TXLNB: variants seen among roughly 807,000 people sequenced by gnomAD.
TXLNB encodes the protein beta-taxilin.
Under a neutral mutation model 57.4 loss-of-function variants are expected in TXLNB, and 37 were observed. The ratio of observed to expected loss-of-function variants is 0.64; its 90% CI spans 0.50 to 0.85. The LOEUF is 0.85. Among genes scored for constraint, TXLNB ranks in the 40% least tolerant of loss-of-function variants. The probability of loss-of-function intolerance (pLI) is 0.00; values close to 1 mark genes in which losing one functional copy is unlikely to be tolerated. For synonymous variants in TXLNB, 302 were observed against 309.6 expected, an observed-to-expected ratio of 0.98 and a Z score of 0.26; for missense variants, 848 against 825.6, an observed-to-expected ratio of 1.03 and a Z score of -0.33.
chr6:139,196,053 C>A, the TXLNB span, among the ~76,000 whole-genome samples: 26 of 151,880 alleles, frequency 1.7e-4, no homozygotes, highest in African/African-American at 5.8e-4. Flanking sequence ...TGAAAATGCA[C>A]AGGTAAGACA....
At chr6:139,225,775 C>T in the TXLNB span, among the ~76,000 whole-genome samples, 4 of 151,874 alleles carry the variant, frequency 2.6e-5, no homozygotes, top group African/African-American at 9.7e-5. Flanking sequence ...AAATTCAATC[C>T]CCATGAAAAC....
the TXLNB span, among the ~76,000 whole-genome samples, chr6:139,194,311 C>T: frequency 5.9e-5 from 9 of 152,306 alleles, no homozygotes; most frequent in South Asian, 2.1e-4. Context: ...CAGGAGTATA[C>T]TCCATCAACT....
At chr6:139,198,971 CTTTT>C in the TXLNB span, among the ~76,000 whole-genome samples, 1 of 144,452 alleles carries the variant, frequency 6.9e-6, no homozygotes, top group Non-Finnish European at 1.5e-5. Context: ...TTCTTTCTTC[CTTTT>C]TTTTTTTTTT....
chr6:139,173,870 T>C, the TXLNB span, among the ~76,000 whole-genome samples: 3 of 152,220 alleles, frequency 2.0e-5, no homozygotes, highest in Non-Finnish European at 2.9e-5. Flanking sequence ...GCTGAGCATT[T>C]TGAGGACAAG....
the TXLNB span, among the ~76,000 whole-genome samples, chr6:139,304,099 T>G: frequency 6.6e-6 from 1 of 152,138 alleles, no homozygotes; most frequent in Admixed American, 6.5e-5. Flanking sequence ...TGAAATCTAT[T>G]AAACAGCTAT....
At chr6:139,200,277 T>G in the TXLNB span, among the ~76,000 whole-genome samples, 1 of 152,090 alleles carries the variant, frequency 6.6e-6, no homozygotes, top group African/African-American at 2.4e-5. Context: ...CACAGGCATC[T>G]CCCCTAATAA....
the TXLNB span, among the ~76,000 whole-genome samples, chr6:139,162,856 C>T: frequency 5.3e-5 from 8 of 152,100 alleles, no homozygotes; most frequent in African/African-American, 9.7e-5. Flanking sequence ...TTTAAGCTGT[C>T]GTGAGGTTTT....
the TXLNB span, among the ~76,000 whole-genome samples, chr6:139,318,504 C>T: frequency 1.3e-5 from 2 of 151,900 alleles, no homozygotes; most frequent in Non-Finnish European, 2.9e-5. Context: ...TCAAGTCAAA[C>T]ATTCAAGAAT....
At chr6:139,215,154 A>AG in the TXLNB span, among the ~76,000 whole-genome samples, 1 of 151,954 alleles carries the variant, frequency 6.6e-6, no homozygotes, top group African/African-American at 2.4e-5. Flanking sequence ...AACCAAAAAA[A>AG]AGCCCGCATT....
chr6:139,252,848 G>A (rs1472234438), intron 7 of TXLNB, among the ~76,000 whole-genome samples: 13 of 152,216 alleles, frequency 8.5e-5, no homozygotes, highest in African/African-American at 2.4e-4. Flanking sequence ...AAAATTAGCC[G>A]GGTGTGGTGG....
At chr6:139,163,848 G>A in the TXLNB span, among the ~76,000 whole-genome samples, 1 of 152,074 alleles carries the variant, frequency 6.6e-6, no homozygotes. Flanking sequence ...CTAGGGATTT[G>A]ACCTTCATCT....
chr6:139,234,940 C>T, the TXLNB span, among the ~76,000 whole-genome samples: 1 of 152,222 alleles, frequency 6.6e-6, no homozygotes, highest in Non-Finnish European at 1.5e-5. Flanking sequence ...TGGAGCTGTC[C>T]AAGGCTACGG....
the TXLNB span, among the ~76,000 whole-genome samples, chr6:139,184,218 C>A: frequency 6.6e-6 from 1 of 152,138 alleles, no homozygotes; most frequent in Non-Finnish European, 1.5e-5. Flanking sequence ...GTGAGAGGAG[C>A]CTTGTGGGTG....
the TXLNB span, among the ~76,000 whole-genome samples, chr6:139,168,430 T>TG: frequency 6.6e-6 from 1 of 151,766 alleles, no homozygotes; most frequent in African/African-American, 2.4e-5. Context: ...GCATAGTTTT[T>TG]TTTTTTTTTT....
At chr6:139,263,348 G>A (rs1204449787) in intron 4 of TXLNB, among the ~76,000 whole-genome samples, 2 of 152,104 alleles carry the variant, frequency 1.3e-5, no homozygotes, top group Non-Finnish European at 2.9e-5. Flanking sequence ...CTCAATTACA[G>A]CCATTCAAGA....
chr6:139,174,470 G>T, the TXLNB span: 1 of 1,613,942 alleles, frequency 6.2e-7, no homozygotes, highest in Non-Finnish European at 8.5e-7. Context: ...AGTCACGGTG[G>T]GATGGCAGCT....
At chr6:139,168,723 T>C in the TXLNB span, among the ~76,000 whole-genome samples, 1 of 152,306 alleles carries the variant, frequency 6.6e-6, no homozygotes, top group East Asian at 1.9e-4. Flanking sequence ...TCTCAGCTTT[T>C]AGGAAACATC....
At chr6:139,303,118 A>G in the TXLNB span, among the ~76,000 whole-genome samples, 1 of 152,234 alleles carries the variant, frequency 6.6e-6, no homozygotes, top group African/African-American at 2.4e-5. Context: ...AGAGTTCTAT[A>G]GTAGTGTCAT....
Position 139,259,690 on chromosome 6 carries a change from A to T in TXLNB, c.1002+628T>A, listed in dbSNP as rs1031582383. Among the ~76,000 whole-genome samples the T allele has an allele frequency of 4.6e-5, 7 of 152,090 alleles. No individual in the cohort carries two copies. The East Asian group carries it at 1.4e-3, about 29-fold the overall frequency. ...GTCTATTGCTTGTCTCTTTCCAGTT[A>T]GACTCTAATCTCCATAGTGGGAGAT... is the stretch of plus-strand genomic sequence containing the variant. On this transcript the variant is annotated intron_variant, in intron 6 of 9. Coordinates refer to ENST00000358430, the MANE Select transcript of TXLNB (RefSeq NM_153235.4).
Sources: gnomAD v4.1 joint callset for allele counts (sites outside exome capture counted in the v4.1 genomes callset) on GRCh38, gnomAD v4.1.1 for gene constraint, MANE v1.5 for transcripts, NCBI Gene and HGNC (gene_info 2026-07-23, HGNC 2026-07-21) for gene names.